Variants in MMS22L observed in about 807,000 individuals in gnomAD.
The protein encoded by MMS22L is protein MMS22-like.
In MMS22L, 74 loss-of-function variants were observed where a neutral mutation model predicts 159.1. That is an observed-to-expected ratio of 0.47 (90% CI 0.39 to 0.56). The LOEUF (loss-of-function observed/expected upper bound fraction) is 0.56. MMS22L is among the 20% of genes least tolerant of loss of function. The pLI, the probability that MMS22L is intolerant of heterozygous loss-of-function variation, is 0.00. For synonymous variants in MMS22L, 517 were observed against 506.9 expected (o/e 1.02, Z -0.27); for missense variants, 1,351 against 1,422.1 (o/e 0.95, Z 0.80).
chr6:97,196,453 C>CTATAG (rs1806519324), intron 14 of MMS22L, among the ~76,000 whole-genome samples: 1 of 152,038 alleles, frequency 6.6e-6, no homozygotes, highest in Admixed American at 6.6e-5. Context: ...GTGCCAGTAA[C>CTATAG]TATAGTATTG....
intron 11 of MMS22L, among the ~76,000 whole-genome samples, chr6:97,239,970 C>A (rs1166249166): frequency 6.6e-6 from 1 of 152,156 alleles, no homozygotes; most frequent in African/African-American, 2.4e-5. Context: ...TATTTGAAGG[C>A]TGCTGTATAT....
At chr6:97,247,551 TCTA>T (rs1812793907) in intron 10 of MMS22L, among the ~76,000 whole-genome samples, 1 of 152,140 alleles carries the variant, frequency 6.6e-6, no homozygotes, top group Admixed American at 6.5e-5. Flanking sequence ...AAACCCCGTC[TCTA>T]CTAAAAATAC....
intron 14 of MMS22L, among the ~76,000 whole-genome samples, chr6:97,192,421 T>C (rs1805983166): frequency 6.6e-6 from 1 of 152,138 alleles, no homozygotes; most frequent in Non-Finnish European, 1.5e-5. Context: ...AGCCTCAGTT[T>C]TTCATCTGTT....
At chr6:97,189,028 C>T (rs532552070) in intron 14 of MMS22L, among the ~76,000 whole-genome samples, 95 of 151,420 alleles carry the variant, frequency 6.3e-4, no homozygotes, top group African/African-American at 2.3e-3. Flanking sequence ...AGAAAAGGGG[C>T]TGGAAAAGCC....
At chr6:97,169,700 G>T (rs969153118) in intron 19 of MMS22L, among the ~76,000 whole-genome samples, 2 of 152,140 alleles carry the variant, frequency 1.3e-5, no homozygotes, top group Non-Finnish European at 2.9e-5. Flanking sequence ...CATTTCTTCA[G>T]TTGGTGGAGA....
chr6:97,244,555 A>G (rs1812428459), intron 11 of MMS22L, among the ~76,000 whole-genome samples: 1 of 152,204 alleles, frequency 6.6e-6, no homozygotes, highest in African/African-American at 2.4e-5. Context: ...CAGAATAAAG[A>G]GCAGGCAGAA....
intron 14 of MMS22L, among the ~76,000 whole-genome samples, chr6:97,192,302 CAT>C (rs1483323122): frequency 6.6e-6 from 1 of 152,052 alleles, no homozygotes; most frequent in African/African-American, 2.4e-5. Flanking sequence ...CTTACCGTCA[CAT>C]ATAATTACAG....
chr6:97,263,388 A>G lies in MMS22L; in HGVS notation c.889T>C (p.Trp297Arg), dbSNP rs770340739. 1.3e-6 allele frequency: 2 copies of G among 1,594,308 alleles called. No homozygotes were observed. Among genetic ancestry groups the G allele is most frequent in the Admixed American group, 1.8e-5 (1 of 54,242 alleles). ...QCPCLCIKELWVLLIHLLDHR... is the reference protein window; with the variant it reads ...QCPCLCIKELRVLLIHLLDHR... ...TCTAGAAGATGAATAAGTAGAACCC[A>G]TAATTCTTTAATGCATAAACATGGA... The change falls in exon 9 of 25, where the codon TGG becomes CGG. Residue 297 changes from tryptophan (W) to arginine (R), a missense_variant. Coordinates refer to ENST00000683635, the MANE Select transcript of MMS22L (RefSeq NM_001350599.2).
In MMS22L at chr6:97,254,687, T is replaced by C. The variant is rs1306015819; in HGVS notation, c.989A>G (p.Lys330Arg). The change falls in exon 10 of 25, where the codon AAA becomes AGA. Residue 330 changes from lysine (K) to arginine (R), a missense_variant. By Grantham distance (26) the Lys-to-Arg change is conservative. Transcript: ENST00000683635. Reference sequence around the variant, plus strand: ...AGAGGATCTTCTTCGGTCACTTGATTTTTCAAGCAGTGTTTTAAGTAGTTT... The same window carrying C: ...AGAGGATCTTCTTCGGTCACTTGATCTTTCAAGCAGTGTTTTAAGTAGTTT... ...LNKLLKTLLE[K>R]SSDRRRSSMP... The C allele has an allele frequency of 3.1e-6, 5 of 1,611,496 alleles. No homozygotes were observed. Among genetic ancestry groups the C allele is most frequent in the Non-Finnish European group, 3.4e-6 (4 of 1,179,292 alleles).
Position 97,145,024 on chromosome 6 carries a change from CCA to C in MMS22L, c.*1780_*1781del, listed in dbSNP as rs3839355. 0.052 allele frequency: 3,528 copies of C among 67,508 alleles called. 139 individuals are homozygous for C. The highest frequency in any genetic ancestry group is 0.14 in the Admixed American group (1,014 of 7,396). 4.2% of individuals were successfully genotyped at this position (67,508 alleles called of 1,614,324 possible). A position where few individuals can be genotyped will look rare whatever the true frequency, so the allele number is the denominator to read the frequency against. ...TCAATCTCCTTTGGAAAAAAAAAAC[CCA>C]CACACACACACACACACACACACAC... is the stretch of plus-strand genomic sequence containing the variant. On this transcript the variant is annotated 3_prime_UTR_variant, in exon 25 of 25. Transcript: ENST00000683635.
At chr6:97,176,797 T>C (rs1212722504) in intron 18 of MMS22L, among the ~76,000 whole-genome samples, 4 of 152,162 alleles carry the variant, frequency 2.6e-5, no homozygotes, top group Non-Finnish European at 4.4e-5. Flanking sequence ...CTGTCCCTGG[T>C]TTCTTCAGAC....
chr6:97,208,374 T>C (rs942633732), intron 14 of MMS22L, among the ~76,000 whole-genome samples: 1 of 152,134 alleles, frequency 6.6e-6, no homozygotes, highest in African/African-American at 2.4e-5. Flanking sequence ...AGACACGTCA[T>C]GCACTTTTAG....
chr6:97,177,353 C>G (rs764001146), intron 18 of MMS22L, among the ~76,000 whole-genome samples: 10 of 152,084 alleles, frequency 6.6e-5, no homozygotes, highest in Non-Finnish European at 1.0e-4. Context: ...CTATTTTAGT[C>G]TTTGTGTATG....
chr6:97,179,309 T>C, intron 17 of MMS22L, 99 bp downstream of exon 17: 1 of 1,029,414 alleles, frequency 9.7e-7, no homozygotes, highest in Non-Finnish European at 1.4e-6. Context: ...ATTACGAATA[T>C]TTTGTATATT....
At chr6:97,249,008 A>G (rs1812957116) in intron 10 of MMS22L, among the ~76,000 whole-genome samples, 1 of 149,170 alleles carries the variant, frequency 6.7e-6, no homozygotes, top group Admixed American at 6.8e-5. Flanking sequence ...TGAAGGCTGG[A>G]CACACCCACA....
intron 12 of MMS22L, among the ~76,000 whole-genome samples, chr6:97,232,323 C>T (rs1423205822): frequency 6.6e-6 from 1 of 152,104 alleles, no homozygotes; most frequent in Non-Finnish European, 1.5e-5. Flanking sequence ...GCCCAGATGC[C>T]TTATTTCATT....
At chr6:97,210,319 AT>A (rs1808240832) in intron 14 of MMS22L, among the ~76,000 whole-genome samples, 3 of 151,984 alleles carry the variant, frequency 2.0e-5, no homozygotes, top group Non-Finnish European at 1.5e-5. Flanking sequence ...ATTTTAACCT[AT>A]CCCCTTCACT....
In MMS22L at chr6:97,206,780, A is replaced by G. The variant is rs72934653; in HGVS notation, c.2040-20090T>C. Among the ~76,000 whole-genome samples the G allele has an allele frequency of 7.7e-3, 1,178 of 152,260 alleles. 7 individuals carry two copies. The highest frequency in any genetic ancestry group is 0.037 in the Middle Eastern group (11 of 294). On this transcript the variant is annotated intron_variant, in intron 14 of 24. Coordinates refer to ENST00000683635, the MANE Select transcript of MMS22L (RefSeq NM_001350599.2). ...ACACTAAACGCCCATCATAAGGACC[A>G]TATCAAATTTACTCAGTACAAAGTT...
chr6:97,197,443 C>T (rs1438034299), intron 14 of MMS22L, among the ~76,000 whole-genome samples: 1 of 152,088 alleles, frequency 6.6e-6, no homozygotes, highest in East Asian at 1.9e-4. Flanking sequence ...TGGGTAGGAC[C>T]ACTAGTTAAG....
Sources: allele counts gnomAD v4.1 joint callset (sites outside exome capture counted in the v4.1 genomes callset), GRCh38; gene constraint gnomAD v4.1.1; transcripts MANE v1.5; gene names NCBI Gene and HGNC (gene_info 2026-07-23, HGNC 2026-07-21).